The following KATNIP variants were observed in gnomAD, a reference collection of about 807,000 sequenced individuals.
KATNIP encodes the protein katanin interacting protein, also known as katanin-interacting protein.
A neutral mutation model predicts 174.0 loss-of-function variants in KATNIP; 126 were observed. That is an observed-to-expected ratio of 0.72 (90% CI 0.63 to 0.84). The LOEUF is 0.84. Among genes scored for constraint, KATNIP ranks in the 40% least tolerant of loss-of-function variants. The pLI is 0.00. For missense variants in KATNIP, 1,958 were observed against 2,109.7 expected (o/e 0.93, Z 1.41); for synonymous variants, 810 against 835.7 (o/e 0.97, Z 0.53).
chr16:27,653,663 T>G (rs1354527375), intron 6 of KATNIP, among the ~76,000 whole-genome samples: 2 of 152,024 alleles, frequency 1.3e-5, no homozygotes, highest in Non-Finnish European at 2.9e-5. Context: ...CCACTTTTTT[T>G]TTTTTTTCTT....
intron 14 of KATNIP, among the ~76,000 whole-genome samples, chr16:27,733,594 CACACACACAT>C (rs1165416003): frequency 6.6e-6 from 1 of 150,498 alleles, no homozygotes; most frequent in Non-Finnish European, 1.5e-5. Context: ...CACACACACA[CACACACACAT>C]ATGCAGAGAG....
intron 13 of KATNIP, among the ~76,000 whole-genome samples, chr16:27,709,989 C>G (rs2079500975): frequency 2.0e-5 from 3 of 152,170 alleles, no homozygotes; most frequent in Admixed American, 2.0e-4. Context: ...AGGACCCTTG[C>G]CCACACCCCC....
At chr16:27,699,387 T>G in intron 9 of KATNIP, 147 bp from the exon 10 acceptor site, 1 of 1,396,646 alleles carries the variant, frequency 7.2e-7, no homozygotes, top group Non-Finnish European at 9.5e-7. Flanking sequence ...TTGTCTGTGT[T>G]CCCAGACCTC....
At chr16:27,611,707 G>C (rs1372411872) in intron 2 of KATNIP, among the ~76,000 whole-genome samples, 1 of 152,104 alleles carries the variant, frequency 6.6e-6, no homozygotes, top group East Asian at 1.9e-4. Context: ...GACCTTATTG[G>C]TATCCCCTTT....
At chr16:27,560,054 C>T (rs1596711919) in intron 1 of KATNIP, among the ~76,000 whole-genome samples, 1 of 150,828 alleles carries the variant, frequency 6.6e-6, no homozygotes, top group East Asian at 2.0e-4. Context: ...GAGACTGAGG[C>T]GGGCAGATCA....
chr16:27,559,674 C>T (rs1012083271), intron 1 of KATNIP, among the ~76,000 whole-genome samples: 15 of 145,296 alleles, frequency 1.0e-4, no homozygotes, highest in Non-Finnish European at 1.8e-4. Flanking sequence ...GAGCAAGACC[C>T]TGTCTCAAAA....
intron 4 of KATNIP, among the ~76,000 whole-genome samples, chr16:27,630,184 AC>A (rs1195437410): frequency 6.6e-6 from 1 of 152,128 alleles, no homozygotes; most frequent in Non-Finnish European, 1.5e-5. Context: ...ATTTGAATGA[AC>A]CCTGTTCTGC....
intron 6 of KATNIP, among the ~76,000 whole-genome samples, chr16:27,664,285 G>A (rs1451063922): frequency 6.6e-6 from 1 of 152,108 alleles, no homozygotes. Flanking sequence ...AGTTACTGAG[G>A]TTTTTTGTTT....
intron 6 of KATNIP, among the ~76,000 whole-genome samples, chr16:27,672,123 T>C (rs2077935172): frequency 6.6e-6 from 1 of 152,098 alleles, no homozygotes; most frequent in African/African-American, 2.4e-5. Context: ...CTAGCACCCT[T>C]CAGCAGCTTC....
chr16:27,652,492 A>G (rs1397550011), intron 6 of KATNIP, among the ~76,000 whole-genome samples: 1 of 152,174 alleles, frequency 6.6e-6, no homozygotes, highest in Non-Finnish European at 1.5e-5. Flanking sequence ...ACATGGTTGT[A>G]TGCTGCAATG....
intron 15 of KATNIP, among the ~76,000 whole-genome samples, chr16:27,748,938 A>G (rs575052895): frequency 6.6e-6 from 1 of 152,288 alleles, no homozygotes; most frequent in African/African-American, 2.4e-5. Flanking sequence ...GTACCAGGAT[A>G]TGCTGCATTT....
chr16:27,674,152 T>C (rs1336149768), intron 6 of KATNIP, among the ~76,000 whole-genome samples: 1 of 152,194 alleles, frequency 6.6e-6, no homozygotes, highest in Non-Finnish European at 1.5e-5. Flanking sequence ...TTTTATTAAA[T>C]GTGTATCACC....
chr16:27,636,106 A>T (rs931012174), intron 5 of KATNIP, among the ~76,000 whole-genome samples: 1 of 152,126 alleles, frequency 6.6e-6, no homozygotes, highest in Non-Finnish European at 1.5e-5. Context: ...GTGAGCCATG[A>T]CCGCACCACT....
rs1196790342 is a variant in KATNIP, at chr16:27,774,932, G to C, written c.4310-13G>C. The C allele has an allele frequency of 6.2e-7, 1 of 1,613,680 alleles. No homozygotes were observed. The highest frequency in any genetic ancestry group is 8.5e-7 in the Non-Finnish European group (1 of 1,179,926). ...CACAGATTTGGGTTATGGCAACTTA[G>C]ACGTCTCCTCAGATATTGCGGCCTT... On this transcript the variant is annotated splice_polypyrimidine_tract_variant and intron_variant, in intron 23 of 27. Transcript: ENST00000261588.
At chr16:27,679,673 G>C (rs1020293995) in intron 7 of KATNIP, among the ~76,000 whole-genome samples, 1 of 149,766 alleles carries the variant, frequency 6.7e-6, no homozygotes, top group African/African-American at 2.5e-5. Context: ...GATCACTTAA[G>C]TCTGAAAAGT....
At chr16:27,666,528 C>T (rs957862576) in intron 6 of KATNIP, among the ~76,000 whole-genome samples, 1 of 152,126 alleles carries the variant, frequency 6.6e-6, no homozygotes. Context: ...AGCGATTCTC[C>T]TGCCTCAGCC....
intron 2 of KATNIP, among the ~76,000 whole-genome samples, chr16:27,615,754 A>T (rs1333295700): frequency 7.9e-5 from 12 of 152,202 alleles, no homozygotes; most frequent in African/African-American, 2.9e-4. Flanking sequence ...GCAGATTCCC[A>T]TGGCTCAGAG....
At chr16:27,645,400 T>G (rs1486244183) in intron 5 of KATNIP, among the ~76,000 whole-genome samples, 2 of 152,170 alleles carry the variant, frequency 1.3e-5, no homozygotes, top group Admixed American at 1.3e-4. Context: ...GCATCAGAGT[T>G]CCAGGAATCA....
chr16:27,770,006 A>C lies in KATNIP; in HGVS notation c.4121A>C (p.Gln1374Pro). 1 of 1,613,662 alleles carries C rather than the reference A, an allele frequency of 6.2e-7. No individual in the cohort carries two copies. Among genetic ancestry groups the C allele is most frequent in the Non-Finnish European group, 8.5e-7 (1 of 1,179,606 alleles). Reference protein sequence around the residue: ...VDYLRAQLLPQPARRLDMRSL... With the variant: ...VDYLRAQLLPPPARRLDMRSL... ...TACCTACGGGCTCAGCTGCTGCCCC[A>C]GCCGGCCAGGAGGTGAGGAGAAAGT... The change falls in exon 21 of 28, where the codon CAG becomes CCG. Residue 1374 changes from glutamine (Q) to proline (P), a missense_variant. Around this residue, in one of 3 missense-constraint regions of KATNIP, gnomAD observed 383 missense variants for 456.0 expected, o/e 0.84. Transcript: ENST00000261588.
Sources: allele counts gnomAD v4.1 joint callset (sites outside exome capture counted in the v4.1 genomes callset), GRCh38; gene constraint gnomAD v4.1.1; regional missense constraint gnomAD v4.1.1; transcripts MANE v1.5; gene names NCBI Gene and HGNC (gene_info 2026-07-23, HGNC 2026-07-21).